The following LRP1B variants were observed in gnomAD, a reference collection of about 807,000 sequenced individuals.
The protein encoded by LRP1B is LDL receptor related protein 1B.
A neutral mutation model predicts 556.6 loss-of-function variants in LRP1B; 217 were observed. The observed-to-expected ratio is 0.39, with a 90% CI of 0.35 to 0.44. The LOEUF (loss-of-function observed/expected upper bound fraction) is 0.44. Among genes scored for constraint, LRP1B ranks in the 20% least tolerant of loss-of-function variants. The pLI is 1.00. For synonymous variants in LRP1B, 2,047 were observed against 1,865.8 expected, an observed-to-expected ratio of 1.10 and a Z score of -2.50; for missense variants, 5,053 against 5,620.8, an observed-to-expected ratio of 0.90 and a Z score of 3.23.
At chr2:142,036,202 T>C (rs1411595266) in intron 1 of LRP1B, among the ~76,000 whole-genome samples, 1 of 151,678 alleles carries the variant, frequency 6.6e-6, no homozygotes, top group Non-Finnish European at 1.5e-5. Context: ...ACTTCATCAT[T>C]TGTTATTTTC....
chr2:140,299,454 A>G (rs1346416795), intron 83 of LRP1B, among the ~76,000 whole-genome samples: 1 of 152,132 alleles, frequency 6.6e-6, no homozygotes, highest in African/African-American at 2.4e-5. Context: ...TGGCAGATAA[A>G]TGCCTATTAA....
chr2:142,045,864 T>C (rs1310824874), intron 1 of LRP1B, among the ~76,000 whole-genome samples: 2 of 151,926 alleles, frequency 1.3e-5, no homozygotes, highest in African/African-American at 2.4e-5. Context: ...GTCCACACTC[T>C]TGAGGACAGG....
At chr2:141,801,509 C>T (rs891937675) in intron 2 of LRP1B, among the ~76,000 whole-genome samples, 1 of 152,118 alleles carries the variant, frequency 6.6e-6, no homozygotes, top group African/African-American at 2.4e-5. Flanking sequence ...TTTGCACTTC[C>T]ATCTGCATGT....
chr2:141,006,223 T>C (rs1278962752), intron 14 of LRP1B, among the ~76,000 whole-genome samples: 2 of 152,052 alleles, frequency 1.3e-5, no homozygotes, highest in East Asian at 3.9e-4. Flanking sequence ...ACGTAATGTA[T>C]AGTAATCAGA....
intron 5 of LRP1B, among the ~76,000 whole-genome samples, chr2:141,231,565 A>C (rs1447544073): frequency 1.3e-5 from 2 of 152,148 alleles, no homozygotes; most frequent in African/African-American, 2.4e-5. Context: ...AAAAGCATGC[A>C]GCTTATATAG....
intron 35 of LRP1B, among the ~76,000 whole-genome samples, chr2:140,725,200 T>A (rs1396010175): frequency 6.6e-6 from 1 of 152,226 alleles, no homozygotes; most frequent in African/African-American, 2.4e-5. Flanking sequence ...CAAAAATTAC[T>A]CTTTTAAAGA....
chr2:140,600,778 T>TTTTTTTTTG (rs1682629945), intron 42 of LRP1B, among the ~76,000 whole-genome samples: 2 of 128,208 alleles, frequency 1.6e-5, no homozygotes. Flanking sequence ...TTTTTTTTTT[T>TTTTTTTTTG]TTTTTTTTTT....
chr2:140,526,260 T>C lies in LRP1B; in HGVS notation c.7853A>G (p.Asp2618Gly), dbSNP rs1478853930. 2.5e-6 allele frequency: 4 copies of C among 1,611,658 alleles called. No individual in the cohort carries two copies. In the African/African-American group the frequency reaches 5.4e-5, roughly 22 times the overall value. Residue 2618 changes from aspartate (D) to glycine (G), a missense_variant, in exon 48 of 91, where the codon GAT becomes GGT. By Grantham distance (94) the Asp-to-Gly change is moderately conservative (BLOSUM62 -1). Coordinates refer to ENST00000389484, the MANE Select transcript of LRP1B (RefSeq NM_018557.3). Reference protein sequence around the residue: ...ARCNQNIDCADASDEKNCNNT... With the variant: ...ARCNQNIDCAGASDEKNCNNT... The stretch of plus-strand genomic sequence containing the variant: ...ACTGCAGTTCTTTTCATCTGAAGCA[T>C]CTGCACAATCTATGTTCTGGTTGCA...
At chr2:140,383,707 C>G (rs1683638461) in intron 67 of LRP1B, among the ~76,000 whole-genome samples, 1 of 152,124 alleles carries the variant, frequency 6.6e-6, no homozygotes, top group Non-Finnish European at 1.5e-5. Context: ...CCATATATGC[C>G]TACTAGTCTT....
chr2:141,033,413 G>T (rs1316603813), intron 11 of LRP1B, among the ~76,000 whole-genome samples: 4 of 152,054 alleles, frequency 2.6e-5, no homozygotes, highest in Non-Finnish European at 4.4e-5. Flanking sequence ...AAACTACTCA[G>T]GCTGTTGTGC....
intron 1 of LRP1B, among the ~76,000 whole-genome samples, chr2:142,125,364 C>A (rs1707604749): frequency 6.6e-6 from 1 of 151,616 alleles, no homozygotes; most frequent in South Asian, 2.1e-4. Context: ...ACATGTTATT[C>A]AAATGAGAGA....
At chr2:141,088,256 T>C (rs1254079566) in intron 7 of LRP1B, among the ~76,000 whole-genome samples, 1 of 152,210 alleles carries the variant, frequency 6.6e-6, no homozygotes, top group African/African-American at 2.4e-5. Flanking sequence ...CTTAGAAATT[T>C]ATTGAAAGCA....
chr2:141,799,802 G>A (rs1695943940), intron 2 of LRP1B, among the ~76,000 whole-genome samples: 1 of 140,666 alleles, frequency 7.1e-6, no homozygotes, highest in Non-Finnish European at 1.5e-5. Flanking sequence ...TTTTTAAAGA[G>A]TGTGTCTGTG....
At chr2:141,553,220 C>T (rs193203613) in intron 2 of LRP1B, among the ~76,000 whole-genome samples, 16 of 151,802 alleles carry the variant, frequency 1.1e-4, no homozygotes, top group East Asian at 5.8e-4. Flanking sequence ...AGGAAGAGGG[C>T]GTTTTCTAAG....
chr2:141,417,769 T>G (rs1373513441), intron 3 of LRP1B, among the ~76,000 whole-genome samples: 4 of 151,526 alleles, frequency 2.6e-5, no homozygotes, highest in Admixed American at 2.6e-4. Flanking sequence ...TTTTTTTTTT[T>G]TTTTTTTTAC....
chr2:141,585,885 C>CTT lies in LRP1B; in HGVS notation c.206-105354_206-105353dup, dbSNP rs11459511. Among the ~76,000 whole-genome samples, 590 of 144,224 alleles carry CTT rather than the reference C, an allele frequency of 4.1e-3. 4 individuals are homozygous for CTT. Among genetic ancestry groups the CTT allele is most frequent in the South Asian group, 7.5e-3 (34 of 4,554 alleles). The allele number at this position is 144,224 out of a possible 152,430, so 94.6% of individuals were successfully genotyped here. A position where few individuals can be genotyped will look rare whatever the true frequency, so the allele number is the denominator to read the frequency against. ...TTCAGTAGCTGGGACTACAGGTGCA[C>CTT]TTTTTTTTTTTTTTTAAGACGAGGG... On this transcript the variant is annotated intron_variant, in intron 2 of 90. Transcript: ENST00000389484.
intron 87 of LRP1B, among the ~76,000 whole-genome samples, chr2:140,242,421 T>C (rs1031335164): frequency 1.3e-5 from 2 of 151,144 alleles, no homozygotes; most frequent in African/African-American, 4.8e-5. Flanking sequence ...AGTGCAGTCC[T>C]TAGGATGTCA....
At chr2:141,228,391 C>T (rs1336012107) in intron 6 of LRP1B, among the ~76,000 whole-genome samples, 1 of 150,552 alleles carries the variant, frequency 6.6e-6, no homozygotes, top group Non-Finnish European at 1.5e-5. Flanking sequence ...ATGTGTGCAT[C>T]TCTGGGTGTG....
In LRP1B at chr2:141,773,767, TA is replaced by T. The variant is rs1694972220; in HGVS notation, c.205+36511del. Among the ~76,000 whole-genome samples, 11 of 152,290 alleles carry T rather than the reference TA, an allele frequency of 7.2e-5. No homozygotes were observed. In the South Asian group the frequency reaches 2.3e-3, roughly 32 times the overall value. ...AACAAAACAAAACAACCTACATCTA[TA>T]GAGGAAAAGGTTTTTGCCAAGTACT... On this transcript the variant is annotated intron_variant, in intron 2 of 90. Transcript: ENST00000389484.
Sources: gnomAD v4.1 joint callset for allele counts (sites outside exome capture counted in the v4.1 genomes callset) on GRCh38, gnomAD v4.1.1 for gene constraint, MANE v1.5 for transcripts, NCBI Gene and HGNC (gene_info 2026-07-23, HGNC 2026-07-21) for gene names.